The following CTNND2 variants were observed in gnomAD, a reference collection of about 807,000 sequenced individuals.
CTNND2 encodes catenin delta 2.
Under a neutral mutation model 144.4 loss-of-function variants are expected in CTNND2, and 22 were observed. That is an observed-to-expected ratio of 0.15 (90% CI 0.11 to 0.22). The LOEUF is 0.22. Ranked by LOEUF, CTNND2 falls within the 10% of genes least tolerant of loss-of-function variation. The pLI, the probability that CTNND2 is intolerant of heterozygous loss-of-function variation, is 1.00. For synonymous variants in CTNND2, 751 were observed against 695.6 expected, an observed-to-expected ratio of 1.08 and a Z score of -1.25; for missense variants, 1,353 against 1,618.8, an observed-to-expected ratio of 0.84 and a Z score of 2.82.
chr5:11,062,306 G>A (rs981877531), intron 16 of CTNND2, among the ~76,000 whole-genome samples: 1 of 152,150 alleles, frequency 6.6e-6, no homozygotes, highest in Non-Finnish European at 1.5e-5. Flanking sequence ...AGCTGGACTT[G>A]TTTATATTTA....
At chr5:11,071,319 C>T (rs770455370) in intron 16 of CTNND2, among the ~76,000 whole-genome samples, 1 of 152,102 alleles carries the variant, frequency 6.6e-6, no homozygotes, top group Non-Finnish European at 1.5e-5. Context: ...GGGCAGATGG[C>T]TTAAGGCCGG....
intron 1 of CTNND2, among the ~76,000 whole-genome samples, chr5:11,887,235 A>G (rs567386927): frequency 7.2e-5 from 11 of 152,152 alleles, no homozygotes; most frequent in East Asian, 5.8e-4. Context: ...CGCCCGCCTC[A>G]GCCTCCCAAA....
rs201675268 is a variant in CTNND2 at position 11,346,402 on chromosome 5, G to A, written c.1598C>T (p.Pro533Leu). Residue 533 changes from proline (P) to leucine (L), a missense_variant, in exon 9 of 22, where the codon CCG (proline) becomes CTG (leucine). Pro to Leu is a moderately conservative substitution (Grantham distance 98). Transcript: ENST00000304623. Reference protein sequence around the residue: ...LPPEGTLARSPSIDSIQKDPR... With the variant: ...LPPEGTLARSLSIDSIQKDPR... ...ATCTTTCTGAATGCTATCAATGGAC[G>A]GGGACCTGGCCAAGGTGCCTTCAGG... The A allele has an allele frequency of 1.2e-4, 174 of 1,506,344 alleles. No individual in the cohort carries two copies. In the African/African-American group the frequency reaches 1.6e-3, roughly 14 times the overall value. The allele number at this position is 1,506,344 out of a possible 1,614,324, so 93.3% of individuals were successfully genotyped here.
At chr5:11,011,077 A>G (rs756251068) in intron 18 of CTNND2, among the ~76,000 whole-genome samples, 43 of 152,266 alleles carry the variant, frequency 2.8e-4, no homozygotes, top group South Asian at 1.0e-3. Flanking sequence ...ACAACCATAA[A>G]AACACCAGAC....
At chr5:11,385,758 A>G (rs1759024304) in intron 6 of CTNND2, 1 of 152,154 alleles carries the variant, frequency 6.6e-6, no homozygotes. Context: ...TACTTCTTAC[A>G]GTTTATTCTG....
intron 5 of CTNND2, among the ~76,000 whole-genome samples, chr5:11,402,580 C>T (rs547893980): frequency 6.6e-6 from 1 of 152,196 alleles, no homozygotes; most frequent in Non-Finnish European, 1.5e-5. Context: ...GAGGTAGCTA[C>T]TGATGATAAA....
intron 2 of CTNND2, among the ~76,000 whole-genome samples, chr5:11,649,595 G>A (rs976030418): frequency 6.6e-6 from 1 of 152,156 alleles, no homozygotes; most frequent in African/African-American, 2.4e-5. Flanking sequence ...GATTACAGGC[G>A]TGAGCCACTG....
chr5:11,579,503 T>C (rs1392479349), intron 2 of CTNND2, among the ~76,000 whole-genome samples: 3 of 152,198 alleles, frequency 2.0e-5, no homozygotes, highest in African/African-American at 7.2e-5. Context: ...TATCATTATG[T>C]GAGACCACAG....
At chr5:11,167,972 C>T (rs1254664035) in intron 11 of CTNND2, among the ~76,000 whole-genome samples, 1 of 151,672 alleles carries the variant, frequency 6.6e-6, no homozygotes, top group African/African-American at 2.4e-5. Flanking sequence ...TCCCAAAGTG[C>T]TGGGATTACA....
At chr5:11,421,403 G>A (rs1432098200) in intron 3 of CTNND2, among the ~76,000 whole-genome samples, 1 of 152,088 alleles carries the variant, frequency 6.6e-6, no homozygotes, top group Non-Finnish European at 1.5e-5. Context: ...AGCTTGCTCT[G>A]CTTGACGCTT....
In CTNND2 at chr5:11,267,268, G is replaced by A. The variant is rs533765228; in HGVS notation, c.1629-30445C>T. Among the ~76,000 whole-genome samples the A allele has an allele frequency of 5.9e-5, 9 of 152,282 alleles. No homozygotes were observed. The South Asian group carries it at 8.3e-4, about 14-fold the overall frequency. ...TGGATTCTCCCCACGTGGAGCTAAC[G>A]GCTAATCCTCAGTGATGGCTGATGG... On this transcript the variant is annotated intron_variant, in intron 9 of 21. Transcript: ENST00000304623.
At chr5:11,137,724 C>A (rs766879539) in intron 12 of CTNND2, among the ~76,000 whole-genome samples, 42 of 152,172 alleles carry the variant, frequency 2.8e-4, no homozygotes, top group Non-Finnish European at 5.0e-4. Context: ...TACTAGCAGG[C>A]AAATCCTTAT....
At chr5:11,840,055 C>A (rs1009648678) in intron 1 of CTNND2, among the ~76,000 whole-genome samples, 1 of 151,884 alleles carries the variant, frequency 6.6e-6, no homozygotes, top group African/African-American at 2.4e-5. Flanking sequence ...AATCTTTTTT[C>A]ATTCTTAAAA....
chr5:11,556,348 T>C (rs1236778348), intron 3 of CTNND2, among the ~76,000 whole-genome samples: 1 of 152,182 alleles, frequency 6.6e-6, no homozygotes, highest in Non-Finnish European at 1.5e-5. Flanking sequence ...ATAAATCAAA[T>C]TATTTCAATA....
At chr5:11,379,629 G>C (rs1411682138) in intron 7 of CTNND2, among the ~76,000 whole-genome samples, 1 of 152,042 alleles carries the variant, frequency 6.6e-6, no homozygotes, top group Non-Finnish European at 1.5e-5. Context: ...TCGCTGACTA[G>C]CCTTTTTCTC....
intron 14 of CTNND2, among the ~76,000 whole-genome samples, chr5:11,107,791 G>A (rs2149680148): frequency 6.6e-6 from 1 of 152,332 alleles, no homozygotes; most frequent in Non-Finnish European, 1.5e-5. Flanking sequence ...AGGGAAGACT[G>A]CGGAAGACGC....
At chr5:11,901,290 C>T (rs542802386) in intron 1 of CTNND2, among the ~76,000 whole-genome samples, 1 of 152,302 alleles carries the variant, frequency 6.6e-6, no homozygotes, top group South Asian at 2.1e-4. Flanking sequence ...GTAACATTTT[C>T]TGCAAATACA....
intron 1 of CTNND2, among the ~76,000 whole-genome samples, chr5:11,764,096 G>A (rs1299919811): frequency 6.6e-6 from 1 of 152,108 alleles, no homozygotes; most frequent in African/African-American, 2.4e-5. Context: ...AAATGGAAGA[G>A]GGAGGCAGGA....
chr5:11,470,980 A>ATATATATATATTTT (rs1219093645), intron 3 of CTNND2, among the ~76,000 whole-genome samples: 2 of 91,536 alleles, frequency 2.2e-5, no homozygotes, highest in East Asian at 2.8e-4. Flanking sequence ...ATATATATAT[A>ATATATATATATTTT]TTTTTTTTTT....
Sources: gnomAD v4.1 joint callset for allele counts (sites outside exome capture counted in the v4.1 genomes callset) on GRCh38, gnomAD v4.1.1 for gene constraint, MANE v1.5 for transcripts, NCBI Gene and HGNC (gene_info 2026-07-23, HGNC 2026-07-21) for gene names.